UNC5A: variants seen among roughly 807,000 people sequenced by gnomAD.
UNC5A encodes unc-5 netrin receptor A, also known as netrin receptor UNC5A.
In UNC5A, 20 loss-of-function variants were observed where a neutral mutation model predicts 87.4. The ratio of observed to expected loss-of-function variants is 0.23; its 90% CI spans 0.16 to 0.33. UNC5A has a LOEUF of 0.33. Ranked by LOEUF, UNC5A falls within the 10% of genes least tolerant of loss-of-function variation. The pLI, the probability that UNC5A is intolerant of heterozygous loss-of-function variation, is 1.00. For missense variants in UNC5A, 844 were observed against 1,133.4 expected (o/e 0.74, Z 3.67); for synonymous variants, 438 against 482.3 (o/e 0.91, Z 1.20).
intron 1 of UNC5A, among the ~76,000 whole-genome samples, chr5:176,846,007 G>C (rs1031523060): frequency 6.6e-6 from 1 of 152,238 alleles, no homozygotes; most frequent in South Asian, 2.1e-4. Context: ...AGGAGAAAAG[G>C]AGGTGGAAGG....
At position 176,875,784 on chromosome 5, in the gene UNC5A, C is replaced by T. The variant is rs1023791446; in HGVS notation, c.1378+1218C>T. ...GCAGCCACCATGGACTCAACATCCC[C>T]GACACACGGTGCTGCCCTCTGCATG... On this transcript the variant is annotated intron_variant, in intron 8 of 14. Transcript: ENST00000329542. The surrounding 1 kb of genome is among the most constrained non-coding windows in gnomAD (Gnocchi z 5.2). 4.6e-5 allele frequency among the ~76,000 whole-genome samples: 7 copies of T among 152,160 alleles called. No individual in the cohort carries two copies. The highest frequency in any genetic ancestry group is 1.9e-4 in the East Asian group (1 of 5,184).
At position 176,868,278 on chromosome 5, in the gene UNC5A, G is replaced by C; in HGVS notation, c.436+5G>C. ...AGGCCTACATCCGCATAGCCTGTGA[G>C]TCTAGGGCTGGGCCCTGGGGGAGGG... On this transcript the variant is annotated splice_donor_5th_base_variant and intron_variant, in intron 3 of 14. Transcript: ENST00000329542. 1 of 1,613,048 alleles carries C rather than the reference G, an allele frequency of 6.2e-7. No homozygotes were observed. The highest frequency in any genetic ancestry group is 8.5e-7 in the Non-Finnish European group (1 of 1,179,820).
At chr5:176,864,020 G>C (rs898290656) in intron 2 of UNC5A, among the ~76,000 whole-genome samples, 1 of 151,348 alleles carries the variant, frequency 6.6e-6, no homozygotes, top group South Asian at 2.1e-4. Flanking sequence ...ATACCCTGTC[G>C]AGGCACAGCC....
rs115110560 is a variant in UNC5A at position 176,868,577 on chromosome 5, C to T, written c.453C>T (p.Phe151=). 1.4e-3 allele frequency: 2,265 copies of T among 1,603,130 alleles called. 36 individuals are homozygous for T. The African/African-American group carries it at 0.027, about 19-fold the overall frequency. The change falls in exon 4 of 15, where the codon TTC becomes TTT. Residue 151 remains phenylalanine, a synonymous_variant. Transcript: ENST00000329542. ...CTCTTCTAGATTTGCGCAAGAACTTCGAGCAGGAGCCGCTGGCCAAGGAGG... is the reference window on the plus strand; with the variant it reads ...CTCTTCTAGATTTGCGCAAGAACTTTGAGCAGGAGCCGCTGGCCAAGGAGG... ...YIRIAYLRKN[F]EQEPLAKEVS... is the part of the protein sequence containing the mutation.
intron 1 of UNC5A, among the ~76,000 whole-genome samples, chr5:176,842,661 G>T (rs995734061): frequency 6.6e-6 from 1 of 152,098 alleles, no homozygotes; most frequent in Non-Finnish European, 1.5e-5. Flanking sequence ...CTATGAGGAC[G>T]CAAAGGCAAA....
In UNC5A at chr5:176,821,377, A is replaced by G. The variant is rs74986949; in HGVS notation, c.70+10557A>G. Among the ~76,000 whole-genome samples, 11 of 152,184 alleles carry G rather than the reference A, an allele frequency of 7.2e-5. 1 individual carries two copies. In the East Asian group the frequency reaches 2.1e-3, roughly 29 times the overall value. On this transcript the variant is annotated intron_variant, in intron 1 of 14. Coordinates refer to ENST00000329542, the MANE Select transcript of UNC5A (RefSeq NM_133369.3). ...ACCTTCCTTCTCCAGTTCCTTTAGG[A>G]TCACACAACCAGAGGTCCATTTTTG...
In UNC5A at chr5:176,824,277, G is replaced by A. The variant is rs552805726; in HGVS notation, c.70+13457G>A. ...GCGCACAGGGAGATCAGGGACAAGC[G>A]GAGGGAGGAGGCTGTCCCAGTGGCC... On this transcript the variant is annotated intron_variant, in intron 1 of 14. Transcript: ENST00000329542. The surrounding 1 kb of genome is among the most constrained non-coding windows in gnomAD (Gnocchi z 4.2). 3.7e-3 allele frequency among the ~76,000 whole-genome samples: 570 copies of A among 152,304 alleles called. 3 individuals carry two copies. The highest frequency in any genetic ancestry group is 5.7e-3 in the Non-Finnish European group (391 of 68,028).
At chr5:176,871,670 C>A (rs1301094345) in intron 6 of UNC5A, among the ~76,000 whole-genome samples, 1 of 8,464 alleles carries the variant, frequency 1.2e-4, no homozygotes, top group Admixed American at 6.3e-4. Flanking sequence ...ACACTCGCCC[C>A]ACACCACAGC....
intron 1 of UNC5A, among the ~76,000 whole-genome samples, chr5:176,832,453 G>T (rs375738396): frequency 6.6e-6 from 1 of 152,162 alleles, no homozygotes; most frequent in Non-Finnish European, 1.5e-5. Context: ...TCACCCTGGA[G>T]CAAGTCACTT....
In UNC5A at chr5:176,874,543, G is replaced by A; in HGVS notation, c.1355G>A (p.Gly452Asp). ...MTYGTFNFLG[G>D]RLMIPNTGIS... Reference sequence around the variant, plus strand: ...TATGGGACCTTCAACTTCCTCGGGGGCCGGCTGATGATCCCTAATACAGGT... The same window carrying A: ...TATGGGACCTTCAACTTCCTCGGGGACCGGCTGATGATCCCTAATACAGGT... The change falls in exon 8 of 15, where the codon GGC becomes GAC. Residue 452 changes from glycine (G) to aspartate (D), a missense_variant. Transcript: ENST00000329542. This position sits in a 1 kb window ranked among gnomAD's most constrained non-coding sequence, Gnocchi z 7.6. 1 of 1,572,468 alleles carries A rather than the reference G, an allele frequency of 6.4e-7. No individual in the cohort carries two copies. Among genetic ancestry groups the A allele is most frequent in the Non-Finnish European group, 8.7e-7 (1 of 1,155,772 alleles).
At chr5:176,820,323 G>C (rs1446132728) in intron 1 of UNC5A, among the ~76,000 whole-genome samples, 1 of 152,174 alleles carries the variant, frequency 6.6e-6, no homozygotes, top group African/African-American at 2.4e-5. Flanking sequence ...CATGAACCTG[G>C]GAGGTGGAGC....
At position 176,868,219 on chromosome 5, in the gene UNC5A, G is replaced by A. The variant is rs867627987; in HGVS notation, c.382G>A (p.Ala128Thr). The A allele has an allele frequency of 6.2e-7, 1 of 1,613,662 alleles. No homozygotes were observed. The highest frequency in any genetic ancestry group is 8.5e-7 in the Non-Finnish European group (1 of 1,179,964). Residue 128 changes from alanine to threonine, a missense_variant, in exon 3 of 15, where the codon GCA (alanine) becomes ACA (threonine). Ala to Thr is a moderately conservative substitution (Grantham distance 58). Coordinates refer to ENST00000329542, the MANE Select transcript of UNC5A (RefSeq NM_133369.3). ...GGAGGAATACTGGTGCCAGTGCGTGGCATGGAGCTCCTCGGGCACCACCAA... is the reference window on the plus strand; with the variant it reads ...GGAGGAATACTGGTGCCAGTGCGTGACATGGAGCTCCTCGGGCACCACCAA... Reference protein sequence around the residue: ...GLEEYWCQCVAWSSSGTTKSQ... With the variant: ...GLEEYWCQCVTWSSSGTTKSQ...
rs558034278 is a variant in UNC5A, at chr5:176,826,635, A to C, written c.70+15815A>C. Among the ~76,000 whole-genome samples, 91 of 128,042 alleles carry C rather than the reference A, an allele frequency of 7.1e-4. 1 individual carries two copies. The highest frequency in any genetic ancestry group is 2.3e-3 in the African/African-American group (81 of 35,050). 84.0% of individuals were successfully genotyped at this position (128,042 alleles called of 152,430 possible). On this transcript the variant is annotated intron_variant, in intron 1 of 14. Transcript: ENST00000329542. Reference sequence around the variant, plus strand: ...ACCATCACTTCTATCTAGTTTCCAAACTTTTTTTTTTTTTTTTTTTTTTTT... The same window carrying C: ...ACCATCACTTCTATCTAGTTTCCAACCTTTTTTTTTTTTTTTTTTTTTTTT...
chr5:176,843,296 G>A (rs183246115), intron 1 of UNC5A, among the ~76,000 whole-genome samples: 4 of 152,362 alleles, frequency 2.6e-5, no homozygotes, highest in Non-Finnish European at 4.4e-5. Flanking sequence ...GGGGAAGGAC[G>A]CTGCCGTGGG....
chr5:176,879,238 C>A, intron 13 of UNC5A, 72 bp from the exon 14 acceptor site: 3 of 1,502,020 alleles, frequency 2.0e-6, no homozygotes, highest in Non-Finnish European at 2.7e-6. Context: ...GGGAGCTCCC[C>A]CAGCAGGAGG....
At chr5:176,827,370 A>T (rs1040666039) in intron 1 of UNC5A, among the ~76,000 whole-genome samples, 4 of 151,922 alleles carry the variant, frequency 2.6e-5, no homozygotes, top group Admixed American at 2.6e-4. Flanking sequence ...TTTAGTAGGG[A>T]CGGGGTTTCA....
chr5:176,874,348 G>A lies in UNC5A; in HGVS notation c.1160G>A (p.Gly387Glu). 1 of 1,613,596 alleles carries A rather than the reference G, an allele frequency of 6.2e-7. No individual in the cohort carries two copies. Among genetic ancestry groups the A allele is most frequent in the Non-Finnish European group, 8.5e-7 (1 of 1,179,856 alleles). The part of the protein sequence containing the change: ...YQGSLCPRQD[G>E]PSPKFQLTNG... ...GGCAGTCTCTGTCCCCGGCAGGATG[G>A]GCCCAGCCCCAAGTTCCAGCTCACC... The change falls in exon 8 of 15, where the codon GGG becomes GAG. Residue 387 changes from glycine (G) to glutamate (E), a missense_variant. By Grantham distance (98) the Gly-to-Glu change is moderately conservative. Transcript: ENST00000329542. This position sits in a 1 kb window ranked among gnomAD's most constrained non-coding sequence, Gnocchi z 7.6.
At chr5:176,825,721 T>G (rs1756835074) in intron 1 of UNC5A, among the ~76,000 whole-genome samples, 1 of 152,074 alleles carries the variant, frequency 6.6e-6, no homozygotes, top group South Asian at 2.1e-4. Flanking sequence ...CAGAGCTAGG[T>G]GCCAGCCCCA....
At position 176,877,880 on chromosome 5, in the gene UNC5A, AC is replaced by A; in HGVS notation, c.1636-10del. 6.3e-7 allele frequency: 1 copy of A among 1,591,850 alleles called. No homozygotes were observed. The highest frequency in any genetic ancestry group is 8.5e-7 in the Non-Finnish European group (1 of 1,172,930). On this transcript the variant is annotated splice_polypyrimidine_tract_variant and intron_variant, in intron 10 of 14. Coordinates refer to ENST00000329542, the MANE Select transcript of UNC5A (RefSeq NM_133369.3). ...GAGGCTGGGCCGAATTGACCCACTG[AC>A]CCCTGCCCACAGGATGTGCTGCACC...
Sources: allele counts gnomAD v4.1 joint callset (sites outside exome capture counted in the v4.1 genomes callset), GRCh38; gene constraint gnomAD v4.1.1; non-coding constraint Gnocchi (gnomAD v3.1); transcripts MANE v1.5; gene names NCBI Gene and HGNC (gene_info 2026-07-23, HGNC 2026-07-21).